MEGF6: variants seen among roughly 807,000 people sequenced by gnomAD.
MEGF6 encodes multiple EGF like domains 6, also known as multiple epidermal growth factor-like domains protein 6.
MEGF6 carries 184 observed loss-of-function variants against 207.1 expected under a neutral mutation model. The ratio of observed to expected loss-of-function variants is 0.89; its 90% confidence interval spans 0.79 to 1.00. The LOEUF (loss-of-function observed/expected upper bound fraction) is 1.00, where lower values mean the gene tolerates loss of function less well. Among genes scored for constraint, MEGF6 ranks in the 50% least tolerant of loss-of-function variants. The pLI is 0.00. For missense variants in MEGF6, 2,282 were observed against 2,202.9 expected, an observed-to-expected ratio of 1.04 and a Z score of -0.72; for synonymous variants, 1,038 against 910.0, an observed-to-expected ratio of 1.14 and a Z score of -2.53.
chr1:3,570,328 G>A (rs929322402), intron 4 of MEGF6, among the ~76,000 whole-genome samples: 1 of 152,110 alleles, frequency 6.6e-6, no homozygotes, highest in Non-Finnish European at 1.5e-5. Context: ...ACTGCAGGCA[G>A]AAGGGGCCGC....
At chr1:3,589,521 T>C (rs1643943624) in intron 3 of MEGF6, among the ~76,000 whole-genome samples, 1 of 152,066 alleles carries the variant, frequency 6.6e-6, no homozygotes, top group Non-Finnish European at 1.5e-5. Flanking sequence ...AGAGGAGCCT[T>C]CCTGGACCCC....
intron 4 of MEGF6, among the ~76,000 whole-genome samples, chr1:3,541,198 G>A (rs1192727276): frequency 6.6e-6 from 1 of 152,228 alleles, no homozygotes; most frequent in Non-Finnish European, 1.5e-5. Context: ...CCATGGCACT[G>A]CCCCGTGGGG....
At chr1:3,570,259 C>A (rs1643459369) in intron 4 of MEGF6, among the ~76,000 whole-genome samples, 1 of 152,238 alleles carries the variant, frequency 6.6e-6, no homozygotes, top group Admixed American at 6.5e-5. Context: ...GCAGAAGGGG[C>A]CGCCTGGGAC....
At chr1:3,608,983 C>T (rs1033685269) in intron 1 of MEGF6, among the ~76,000 whole-genome samples, 6 of 152,338 alleles carry the variant, frequency 3.9e-5, no homozygotes, top group South Asian at 2.1e-4. Flanking sequence ...CTAGAGGCCC[C>T]GGCTTCTAGC....
At chr1:3,528,470 C>A (rs952309900) in intron 4 of MEGF6, among the ~76,000 whole-genome samples, 2 of 152,174 alleles carry the variant, frequency 1.3e-5, no homozygotes, top group Non-Finnish European at 2.9e-5. Flanking sequence ...AACGAATGTC[C>A]CCCAGACATG....
In MEGF6 at chr1:3,497,120, C is replaced by T. The variant is rs200675058; in HGVS notation, c.3482-1G>A. The T allele has an allele frequency of 1.3e-6, 2 of 1,574,588 alleles. No homozygotes were observed. The highest frequency in any genetic ancestry group is 3.6e-5 in the Admixed American group (2 of 56,242). ...TCCCCAAAGCTGCCGGGTGGGCAGG[C>T]TGGGTGGAGACAGGCAGGGTCGGTC... On this transcript the variant is annotated splice_acceptor_variant, in intron 27 of 36. Transcript: ENST00000356575. LOFTEE classifies it high-confidence loss of function.
chr1:3,578,136 C>T (rs555492503), intron 4 of MEGF6, among the ~76,000 whole-genome samples: 2 of 152,140 alleles, frequency 1.3e-5, no homozygotes, highest in African/African-American at 2.4e-5. Context: ...AAGGCCACCC[C>T]GCAAGGCCAC....
chr1:3,495,300 G>C (rs1557713449), intron 30 of MEGF6, among the ~76,000 whole-genome samples: 1 of 152,170 alleles, frequency 6.6e-6, no homozygotes, highest in Non-Finnish European at 1.5e-5. Context: ...AATGAGCCCA[G>C]AAGGCCAAGA....
chr1:3,581,398 G>C (rs1643794050), intron 3 of MEGF6, among the ~76,000 whole-genome samples: 1 of 152,218 alleles, frequency 6.6e-6, no homozygotes, highest in African/African-American at 2.4e-5. Context: ...CCTGCAGCCT[G>C]AGGATGTGTC....
chr1:3,579,960 G>A (rs762639218), intron 3 of MEGF6, 31 bp from the exon 4 acceptor site: 28 of 1,449,916 alleles, frequency 1.9e-5, no homozygotes, highest in Non-Finnish European at 2.4e-5. Flanking sequence ...TCGGTGAGAG[G>A]GGCAAGGAGG....
chr1:3,494,139 T>C lies in MEGF6; in HGVS notation c.4130-15A>G. On this transcript the variant is annotated splice_polypyrimidine_tract_variant and intron_variant, in intron 32 of 36. Transcript: ENST00000356575. ...AGGGGGACAGGCTGAAGGACGCCGG[T>C]TACCACGAGACAAGGGCACACGGTG... The C allele has an allele frequency of 1.9e-6, 3 of 1,541,112 alleles. No homozygotes were observed. The highest frequency in any genetic ancestry group is 1.7e-6 in the Non-Finnish European group (2 of 1,144,036).
chr1:3,542,497 A>G (rs1463667426), intron 4 of MEGF6, among the ~76,000 whole-genome samples: 1 of 152,114 alleles, frequency 6.6e-6, no homozygotes, highest in Non-Finnish European at 1.5e-5. Flanking sequence ...CTGATGTGGG[A>G]TCCTGGTCCC....
At chr1:3,582,059 C>A (rs953468104) in intron 3 of MEGF6, among the ~76,000 whole-genome samples, 1 of 152,246 alleles carries the variant, frequency 6.6e-6, no homozygotes, top group Admixed American at 6.5e-5. Context: ...TCAAGGCAGG[C>A]GGAGCTGACT....
At chr1:3,598,457 AT>A (rs1222632020) in intron 2 of MEGF6, among the ~76,000 whole-genome samples, 3 of 152,102 alleles carry the variant, frequency 2.0e-5, no homozygotes, top group Non-Finnish European at 4.4e-5. Context: ...GGCGAACAAT[AT>A]TTGGCAGAGC....
At position 3,573,934 on chromosome 1, in the gene MEGF6, G is replaced by A. The variant is rs1049461572; in HGVS notation, c.481+5891C>T. Among the ~76,000 whole-genome samples, 62 of 152,094 alleles carry A rather than the reference G, an allele frequency of 4.1e-4. No homozygotes were observed. Among genetic ancestry groups the A allele is most frequent in the Non-Finnish European group, 7.5e-4 (51 of 68,004 alleles). On this transcript the variant is annotated intron_variant, in intron 4 of 36. Transcript: ENST00000356575. The surrounding 1 kb of genome is among the most constrained non-coding windows in gnomAD (Gnocchi z 5.1). The stretch of plus-strand genomic sequence containing the variant: ...CCTGAGCCAACGCCAAGGGCTAAAC[G>A]GGCTCAGGACACCACCCAGTCCTAG...
the MEGF6 span, among the ~76,000 whole-genome samples, chr1:3,616,771 G>A: frequency 1.3e-5 from 2 of 152,246 alleles, no homozygotes; most frequent in Admixed American, 6.5e-5. Flanking sequence ...AAGGTGGGCT[G>A]TGTGATGTGG....
At chr1:3,531,478 C>G (rs1014881117) in intron 4 of MEGF6, 1 of 1,079,516 alleles carries the variant, frequency 9.3e-7, no homozygotes, top group East Asian at 6.3e-5. Flanking sequence ...AGGTAAAGGC[C>G]AAGTCCGCAG....
Position 3,498,352 on chromosome 1 carries a change from G to T in MEGF6, c.3352+19C>A. The T allele has an allele frequency of 6.3e-7, 1 of 1,591,408 alleles. No homozygotes were observed. On this transcript the variant is annotated intron_variant, in intron 26 of 36. Coordinates refer to ENST00000356575, the MANE Select transcript of MEGF6 (RefSeq NM_001409.4). ...CCCAGCAGGGCCTGCAGACCCCCCT[G>T]CTGCCCCGCCCCACTCACGGCTCTG...
chr1:3,498,083 G>C (rs1640686832), intron 26 of MEGF6, among the ~76,000 whole-genome samples: 2 of 152,134 alleles, frequency 1.3e-5, no homozygotes, highest in African/African-American at 4.8e-5. Context: ...CAGGAAACAG[G>C]AACGGCCCCC....
Sources: gnomAD v4.1 joint callset for allele counts (sites outside exome capture counted in the v4.1 genomes callset) on GRCh38, gnomAD v4.1.1 for gene constraint, Gnocchi (gnomAD v3.1) non-coding constraint, MANE v1.5 for transcripts, NCBI Gene and HGNC (gene_info 2026-07-23, HGNC 2026-07-21) for gene names.